Variants in NBEA observed in about 807,000 individuals in gnomAD.
The protein encoded by NBEA is neurobeachin, also known as lysosomal-trafficking regulator 2.
In NBEA, 44 loss-of-function variants were observed where a neutral mutation model predicts 343.4. The ratio of observed to expected loss-of-function variants is 0.13; its 90% CI spans 0.10 to 0.16. The LOEUF is 0.16. Ranked by LOEUF, NBEA falls within the 10% of genes least tolerant of loss-of-function variation. The pLI is 1.00. For missense variants in NBEA, 2,555 were observed against 3,631.3 expected, an observed-to-expected ratio of 0.70 and a Z score of 7.62; for synonymous variants, 1,175 against 1,238.7, an observed-to-expected ratio of 0.95 and a Z score of 1.08.
intron 46 of NBEA, 109 bp downstream of exon 46, chr13:35,584,147 G>C (rs149296124): frequency 9.1e-7 from 1 of 1,093,870 alleles, no homozygotes; most frequent in African/African-American, 1.6e-5. Context: ...GATTAGAGAC[G>C]AGTGAAGTAG....
intron 1 of NBEA, among the ~76,000 whole-genome samples, chr13:34,952,097 G>C (rs892545132): frequency 1.3e-5 from 2 of 152,264 alleles, no homozygotes; most frequent in South Asian, 4.1e-4. Flanking sequence ...AGGTTATCTA[G>C]GTACTAAGTA....
chr13:35,533,525 C>T (rs183307566), intron 41 of NBEA, among the ~76,000 whole-genome samples: 16 of 152,196 alleles, frequency 1.1e-4, no homozygotes, highest in African/African-American at 3.9e-4. Flanking sequence ...ATATTAGTGT[C>T]ATTTGTTCTG....
intron 41 of NBEA, among the ~76,000 whole-genome samples, chr13:35,498,079 C>T (rs2018062): frequency 0.64 from 97,027 of 151,824 alleles, 31,138 homozygotes; most frequent in Admixed American, 0.7. Flanking sequence ...GTCATATGTA[C>T]CAAATTTCAT....
chr13:35,472,209 C>T (rs532040007), intron 40 of NBEA, among the ~76,000 whole-genome samples, 191 bp from the exon 41 acceptor site: 10 of 152,140 alleles, frequency 6.6e-5, no homozygotes, highest in Non-Finnish European at 1.3e-4. Context: ...TTTTTTCTCT[C>T]TAGTCTCGTT....
intron 36 of NBEA, among the ~76,000 whole-genome samples, chr13:35,341,594 A>G (rs761681414): frequency 6.6e-6 from 1 of 152,130 alleles, no homozygotes; most frequent in Non-Finnish European, 1.5e-5. Flanking sequence ...ATACAAGTAG[A>G]CATTTCTCCA....
At chr13:35,184,105 T>A in intron 30 of NBEA, 34 bp downstream of exon 30, 3 of 1,445,248 alleles carry the variant, frequency 2.1e-6, no homozygotes, top group Non-Finnish European at 2.9e-6. Flanking sequence ...CCTGTTTGGG[T>A]ATTCTTATTT....
chr13:35,041,455 ATG>A (rs1207999547), intron 2 of NBEA, among the ~76,000 whole-genome samples: 17 of 152,158 alleles, frequency 1.1e-4, no homozygotes, highest in Non-Finnish European at 1.9e-4. Context: ...CATTATTTTT[ATG>A]TAGTATTTCA....
At chr13:35,304,365 G>T (rs770577089) in intron 35 of NBEA, among the ~76,000 whole-genome samples, 1 of 150,560 alleles carries the variant, frequency 6.6e-6, no homozygotes, top group African/African-American at 2.4e-5. Flanking sequence ...GTGTATATCT[G>T]TGTGTGTGTG....
intron 46 of NBEA, among the ~76,000 whole-genome samples, chr13:35,590,707 AT>A (rs1231191203): frequency 1.4e-4 from 21 of 152,090 alleles, no homozygotes; most frequent in African/African-American, 4.3e-4. Flanking sequence ...GACAAGCCTG[AT>A]CCCTCTAAAT....
chr13:35,084,589 A>G (rs2064627174), intron 10 of NBEA, among the ~76,000 whole-genome samples: 1 of 152,240 alleles, frequency 6.6e-6, no homozygotes. Context: ...AGCAGTGTGT[A>G]GAGGGAAATT....
chr13:35,572,460 G>C (rs534666618), intron 45 of NBEA, among the ~76,000 whole-genome samples: 252 of 152,262 alleles, frequency 1.7e-3, no homozygotes, highest in African/African-American at 5.5e-3. Context: ...AATATATTTT[G>C]TTAACACAGG....
intron 28 of NBEA, among the ~76,000 whole-genome samples, chr13:35,180,169 C>T (rs1331177263): frequency 1.3e-5 from 2 of 151,642 alleles, no homozygotes; most frequent in African/African-American, 4.8e-5. Flanking sequence ...GCCTGTTAAT[C>T]GAGTTACTAG....
intron 38 of NBEA, among the ~76,000 whole-genome samples, chr13:35,357,685 T>C (rs1217048411): frequency 1.3e-5 from 2 of 152,184 alleles, no homozygotes; most frequent in Non-Finnish European, 2.9e-5. Context: ...ATATTTTCTT[T>C]ATAGAGTCTA....
intron 34 of NBEA, among the ~76,000 whole-genome samples, chr13:35,280,829 A>G (rs576417233): frequency 2.1e-4 from 32 of 151,948 alleles, no homozygotes; most frequent in African/African-American, 7.2e-4. Context: ...TAGTTCATCC[A>G]ATTTCAAAAT....
chr13:35,243,611 T>A (rs2030699656), intron 34 of NBEA, among the ~76,000 whole-genome samples: 1 of 151,874 alleles, frequency 6.6e-6, no homozygotes, highest in Non-Finnish European at 1.5e-5. Flanking sequence ...AGAACAGGGA[T>A]GTTTAATATA....
intron 1 of NBEA, among the ~76,000 whole-genome samples, chr13:34,968,646 A>G (rs2059904579): frequency 1.3e-5 from 2 of 152,192 alleles, no homozygotes; most frequent in Non-Finnish European, 1.5e-5. Context: ...ACCTATAGGT[A>G]GTAGTTTGCA....
intron 45 of NBEA, among the ~76,000 whole-genome samples, chr13:35,573,052 C>T (rs934428216): frequency 2.0e-5 from 3 of 151,830 alleles, no homozygotes; most frequent in Non-Finnish European, 2.9e-5. Context: ...GCCAAATAAC[C>T]CTGCTGCCAA....
chr13:35,281,338 G>GA, intron 34 of NBEA, among the ~76,000 whole-genome samples: 1 of 152,236 alleles, frequency 6.6e-6, no homozygotes, highest in African/African-American at 2.4e-5. Context: ...GGATTCGTAA[G>GA]AAAATTCGAC....
At chr13:35,598,405 C>T (rs958682476) in intron 47 of NBEA, among the ~76,000 whole-genome samples, 5 of 152,196 alleles carry the variant, frequency 3.3e-5, no homozygotes, top group Non-Finnish European at 7.4e-5. Context: ...CTCTTGGTTA[C>T]TTCCTCTGGG....
Sources: gnomAD v4.1 joint callset for allele counts (sites outside exome capture counted in the v4.1 genomes callset) on GRCh38, gnomAD v4.1.1 for gene constraint, MANE v1.5 for transcripts, NCBI Gene and HGNC (gene_info 2026-07-23, HGNC 2026-07-21) for gene names.